Variants in LRMDA observed in about 807,000 individuals in gnomAD.
LRMDA encodes the protein leucine rich melanocyte differentiation associated.
LRMDA carries 18 observed loss-of-function variants against 29.8 expected under a neutral mutation model. The observed-to-expected ratio is 0.60, with a 90% CI of 0.42 to 0.90. The LOEUF is 0.90. LRMDA is among the 40% of genes least tolerant of loss of function. The pLI, the probability that LRMDA is intolerant of heterozygous loss-of-function variation, is 0.00. For missense variants in LRMDA, 273 were observed against 273.9 expected (o/e 1.00, Z 0.02); for synonymous variants, 125 against 109.4 (o/e 1.14, Z -0.89).
chr10:75,829,637 G>A (rs372786131), intron 2 of LRMDA, among the ~76,000 whole-genome samples: 4 of 151,742 alleles, frequency 2.6e-5, no homozygotes. Flanking sequence ...CACTTCTAAA[G>A]CATTCATGAA....
chr10:76,176,367 A>T (rs1850934872), intron 5 of LRMDA, among the ~76,000 whole-genome samples: 1 of 152,358 alleles, frequency 6.6e-6, no homozygotes, highest in South Asian at 2.1e-4. Flanking sequence ...CGATTACAAT[A>T]GAAGGGCAGC....
At chr10:75,478,554 G>C (rs1844822057) in intron 2 of LRMDA, among the ~76,000 whole-genome samples, 1 of 152,128 alleles carries the variant, frequency 6.6e-6, no homozygotes, top group African/African-American at 2.4e-5. Context: ...CATTTAAAAG[G>C]CTGTTCTTTA....
intron 2 of LRMDA, among the ~76,000 whole-genome samples, chr10:75,621,981 C>T (rs1189486633): frequency 1.3e-5 from 2 of 152,140 alleles, no homozygotes; most frequent in African/African-American, 4.8e-5. Context: ...GGGTTTTAGC[C>T]ATTTCTCTGA....
intron 2 of LRMDA, among the ~76,000 whole-genome samples, chr10:75,913,623 G>A (rs757130936): frequency 1.1e-4 from 17 of 152,338 alleles, no homozygotes; most frequent in Middle Eastern, 3.4e-3. Flanking sequence ...ACCTCCTTGA[G>A]GCTAGGCTGA....
intron 6 of LRMDA, among the ~76,000 whole-genome samples, chr10:76,509,784 C>G (rs566442088): frequency 1.3e-5 from 2 of 152,230 alleles, no homozygotes; most frequent in Admixed American, 1.3e-4. Context: ...GTACAACACT[C>G]AGGTCACTGT....
At chr10:75,552,551 C>T in intron 2 of LRMDA, 1 of 486,176 alleles carries the variant, frequency 2.1e-6, no homozygotes, top group South Asian at 1.5e-5. Flanking sequence ...AAGTGCCTGA[C>T]CACTTCTACC....
At chr10:75,692,538 CATAT>C (rs143297712) in intron 2 of LRMDA, among the ~76,000 whole-genome samples, 40 of 142,202 alleles carry the variant, frequency 2.8e-4, no homozygotes, top group African/African-American at 9.6e-4. Flanking sequence ...CGTATGTATA[CATAT>C]ATACACATAT....
intron 2 of LRMDA, among the ~76,000 whole-genome samples, chr10:75,782,334 C>G (rs755082444): frequency 1.3e-5 from 2 of 152,058 alleles, no homozygotes; most frequent in Non-Finnish European, 2.9e-5. Context: ...CTAAATTCAC[C>G]TGAAATGAAT....
chr10:75,696,246 G>A (rs1052999388), intron 2 of LRMDA, among the ~76,000 whole-genome samples: 4 of 152,202 alleles, frequency 2.6e-5, no homozygotes, highest in Admixed American at 1.3e-4. Flanking sequence ...CTTATGCTTT[G>A]TGTACATTGT....
At chr10:75,578,663 G>T (rs913688760) in intron 2 of LRMDA, among the ~76,000 whole-genome samples, 6 of 151,986 alleles carry the variant, frequency 3.9e-5, no homozygotes, top group Admixed American at 3.9e-4. Context: ...CCACTCCTCA[G>T]CAAATGCAAA....
intron 2 of LRMDA, among the ~76,000 whole-genome samples, chr10:75,986,708 A>C (rs915718254): frequency 5.3e-5 from 8 of 152,220 alleles, no homozygotes; most frequent in African/African-American, 1.7e-4. Flanking sequence ...TAAGGGACCT[A>C]TTGAGTGTTT....
At chr10:75,637,121 G>T (rs903006573) in intron 2 of LRMDA, among the ~76,000 whole-genome samples, 7 of 152,122 alleles carry the variant, frequency 4.6e-5, no homozygotes, top group African/African-American at 1.7e-4. Flanking sequence ...TTTGAACTTG[G>T]GTCTCTCTGA....
intron 6 of LRMDA, among the ~76,000 whole-genome samples, chr10:76,491,550 G>A (rs891219186): frequency 2.0e-5 from 3 of 152,080 alleles, no homozygotes; most frequent in African/African-American, 7.2e-5. Flanking sequence ...CCTGCCAGAT[G>A]TGTTGCAGAT....
chr10:76,154,137 T>C (rs16932917), intron 5 of LRMDA, among the ~76,000 whole-genome samples: 22,226 of 152,208 alleles, frequency 0.15, 1,815 homozygotes, highest in East Asian at 0.24. Context: ...ACCCCTTTTC[T>C]TTCTTGATCA....
intron 1 of LRMDA, 25 bp from the exon 2 acceptor site, chr10:75,438,369 T>C: frequency 1.3e-6 from 2 of 1,528,970 alleles, no homozygotes; most frequent in Non-Finnish European, 1.8e-6. Context: ...TTTGCCACAT[T>C]GTTTCTGTTC....
chr10:76,048,434 T>C (rs1848476850), intron 4 of LRMDA, among the ~76,000 whole-genome samples: 1 of 152,200 alleles, frequency 6.6e-6, no homozygotes, highest in Non-Finnish European at 1.5e-5. Flanking sequence ...CTATTCTTTT[T>C]TTGGTGTATC....
intron 5 of LRMDA, among the ~76,000 whole-genome samples, chr10:76,163,924 G>A (rs1159693463): frequency 6.6e-6 from 1 of 152,070 alleles, no homozygotes; most frequent in African/African-American, 2.4e-5. Context: ...GGGAGATTTA[G>A]TCAGGGCAAA....
In LRMDA at chr10:76,378,852, T is replaced by TTC. The variant is rs1227148018; in HGVS notation, c.601+54368_601+54369insCT. 6.8e-3 allele frequency among the ~76,000 whole-genome samples: 428 copies of TTC among 62,844 alleles called. 3 individuals carry two copies. The highest frequency in any genetic ancestry group is 0.026 in the African/African-American group (399 of 15,358). 41.2% of individuals were successfully genotyped at this position (62,844 alleles called of 152,430 possible). ...TCTTTTCTTTTCTCTCTTTTTCTTT[T>TTC]TTTTTCTTTTTTTTTTTTTTTTGAG... On this transcript the variant is annotated intron_variant, in intron 6 of 6. Coordinates refer to ENST00000611255, the MANE Select transcript of LRMDA (RefSeq NM_001305581.2).
intron 2 of LRMDA, among the ~76,000 whole-genome samples, chr10:75,918,081 G>C (rs996762422): frequency 2.6e-5 from 4 of 152,104 alleles, no homozygotes; most frequent in Non-Finnish European, 5.9e-5. Context: ...GTACTTCCAA[G>C]CTCTAGACAA....
Sources: gnomAD v4.1 joint callset for allele counts (sites outside exome capture counted in the v4.1 genomes callset) on GRCh38, gnomAD v4.1.1 for gene constraint, MANE v1.5 for transcripts, NCBI Gene and HGNC (gene_info 2026-07-23, HGNC 2026-07-21) for gene names.